EFNA5: variants seen among roughly 807,000 people sequenced by gnomAD.
The protein encoded by EFNA5 is ephrin-A5.
Under a neutral mutation model 22.9 loss-of-function variants are expected in EFNA5, and 5 were observed. The observed-to-expected ratio is 0.22, with a 90% CI of 0.11 to 0.46. The LOEUF (loss-of-function observed/expected upper bound fraction) is 0.46. Ranked by LOEUF, EFNA5 falls within the 20% of genes least tolerant of loss-of-function variation. EFNA5 has a pLI of 0.99. For missense variants in EFNA5, 237 were observed against 293.3 expected (o/e 0.81, Z 1.40); for synonymous variants, 113 against 112.2 (o/e 1.01, Z -0.04).
At chr5:107,442,543 G>C (rs1299782555) in intron 1 of EFNA5, among the ~76,000 whole-genome samples, 1 of 152,152 alleles carries the variant, frequency 6.6e-6, no homozygotes, top group African/African-American at 2.4e-5. Flanking sequence ...TCCTAGGAAA[G>C]TTGAGCTGAT....
At chr5:107,405,118 A>G (rs1469531953) in intron 2 of EFNA5, among the ~76,000 whole-genome samples, 3 of 152,234 alleles carry the variant, frequency 2.0e-5, no homozygotes, top group African/African-American at 7.2e-5. Context: ...AAACTGGAAG[A>G]ACCGGCAGCG....
At chr5:107,544,209 T>C (rs1748104032) in intron 1 of EFNA5, among the ~76,000 whole-genome samples, 1 of 152,146 alleles carries the variant, frequency 6.6e-6, no homozygotes, top group South Asian at 2.1e-4. Context: ...ATCTCCCTCC[T>C]AGAGAGCACT....
chr5:107,669,167 G>A (rs1751132421), intron 1 of EFNA5, among the ~76,000 whole-genome samples: 2 of 152,072 alleles, frequency 1.3e-5, no homozygotes. Context: ...GCTGAGGGGA[G>A]GCTGGAGGCA....
At chr5:107,585,524 G>A (rs1561440915) in intron 1 of EFNA5, among the ~76,000 whole-genome samples, 1 of 151,904 alleles carries the variant, frequency 6.6e-6, no homozygotes, top group Non-Finnish European at 1.5e-5. Flanking sequence ...TAGAGAAATA[G>A]AAAAACCTGT....
At chr5:107,631,967 C>G (rs551410552) in intron 1 of EFNA5, among the ~76,000 whole-genome samples, 1 of 152,208 alleles carries the variant, frequency 6.6e-6, no homozygotes, top group Non-Finnish European at 1.5e-5. Context: ...CTCGCTGTAC[C>G]TCCCAGGAGA....
chr5:107,469,382 C>T (rs1191783381), intron 1 of EFNA5, among the ~76,000 whole-genome samples: 1 of 134,944 alleles, frequency 7.4e-6, no homozygotes, highest in Non-Finnish European at 1.6e-5. Context: ...TTTGGTATTT[C>T]CTCTTTCTTT....
intron 1 of EFNA5, among the ~76,000 whole-genome samples, chr5:107,635,912 C>T (rs1294410590): frequency 6.6e-6 from 1 of 152,216 alleles, no homozygotes; most frequent in Non-Finnish European, 1.5e-5. Context: ...TGAAACTTCT[C>T]AGGGACAGTT....
intron 1 of EFNA5, among the ~76,000 whole-genome samples, chr5:107,669,729 C>T (rs947207089): frequency 1.3e-5 from 2 of 152,120 alleles, no homozygotes; most frequent in African/African-American, 2.4e-5. Context: ...GGGCGAAGGG[C>T]TCCCACCTCC....
intron 1 of EFNA5, among the ~76,000 whole-genome samples, chr5:107,637,823 A>C (rs1413560184): frequency 6.8e-6 from 1 of 148,004 alleles, no homozygotes; most frequent in Admixed American, 6.9e-5. Flanking sequence ...CAAAAAACTA[A>C]GCTAACAGTT....
At chr5:107,647,801 C>G (rs544652962) in intron 1 of EFNA5, among the ~76,000 whole-genome samples, 3 of 152,068 alleles carry the variant, frequency 2.0e-5, no homozygotes. Context: ...ACCGAAAACT[C>G]ACACTGTCAC....
chr5:107,631,760 G>A (rs929917653), intron 1 of EFNA5, among the ~76,000 whole-genome samples: 4 of 152,160 alleles, frequency 2.6e-5, no homozygotes, highest in Non-Finnish European at 5.9e-5. Context: ...GAAAATGGGA[G>A]GGGGGAAATA....
chr5:107,656,138 G>C (rs1376035658), intron 1 of EFNA5, among the ~76,000 whole-genome samples: 1 of 152,158 alleles, frequency 6.6e-6, no homozygotes, highest in Non-Finnish European at 1.5e-5. Context: ...CTTTGAGATG[G>C]AGATATCTCA....
intron 1 of EFNA5, among the ~76,000 whole-genome samples, chr5:107,530,307 T>A (rs1747782745): frequency 6.6e-6 from 1 of 152,192 alleles, no homozygotes; most frequent in Non-Finnish European, 1.5e-5. Flanking sequence ...TACTGCTTCT[T>A]AAAGCTCCTG....
At chr5:107,530,014 C>T (rs1383757625) in intron 1 of EFNA5, among the ~76,000 whole-genome samples, 1 of 152,204 alleles carries the variant, frequency 6.6e-6, no homozygotes, top group Non-Finnish European at 1.5e-5. Flanking sequence ...TGGTCTTAAA[C>T]AAGGGTTAGG....
rs1580594219 is a variant in EFNA5 at position 107,670,818 on chromosome 5, A to C, written c.-205T>G. On this transcript the variant is annotated 5_prime_UTR_variant, in exon 1 of 5. Coordinates refer to ENST00000333274, the MANE Select transcript of EFNA5 (RefSeq NM_001962.3). The stretch of plus-strand genomic sequence containing the variant: ...AGCGAGAAGAAAAGAAGGCGGTGGG[A>C]TGGGGGGTGATAAAGACAAACTCGC... The C allele has an allele frequency of 3.2e-6, 2 of 631,118 alleles. No individual in the cohort carries two copies. The highest frequency in any genetic ancestry group is 5.3e-6 in the Non-Finnish European group (2 of 374,732). The allele number at this position is 631,118 out of a possible 1,614,324, so 39.1% of individuals were successfully genotyped here.
chr5:107,623,482 T>C (rs1750080660), intron 1 of EFNA5, among the ~76,000 whole-genome samples: 1 of 152,186 alleles, frequency 6.6e-6, no homozygotes, highest in South Asian at 2.1e-4. Context: ...TTAATGATAA[T>C]TTATAGCCCT....
At position 107,598,546 on chromosome 5, in the gene EFNA5, C is replaced by G. The variant is rs148510171; in HGVS notation, c.125+71943G>C. ...ACAAAAGAAAGACTGGACAATGAAA[C>G]AGAATTATTTACTTGAAAAGTTTAT... is the stretch of plus-strand genomic sequence containing the variant. On this transcript the variant is annotated intron_variant, in intron 1 of 4. Coordinates refer to ENST00000333274, the MANE Select transcript of EFNA5 (RefSeq NM_001962.3). Among the ~76,000 whole-genome samples, 305 of 152,226 alleles carry G rather than the reference C, an allele frequency of 2.0e-3. 1 individual carries two copies. Among genetic ancestry groups the G allele is most frequent in the African/African-American group, 6.6e-3 (275 of 41,548 alleles).
intron 1 of EFNA5, among the ~76,000 whole-genome samples, chr5:107,445,557 C>T (rs1749367797): frequency 1.3e-5 from 2 of 152,122 alleles, no homozygotes; most frequent in African/African-American, 4.8e-5. Flanking sequence ...TCGCAAGATG[C>T]TCACAAGTCA....
At chr5:107,387,845 A>G (rs1243646682) in intron 2 of EFNA5, 74 bp from the exon 3 acceptor site, 5 of 1,037,948 alleles carry the variant, frequency 4.8e-6, no homozygotes, top group Non-Finnish European at 7.2e-6. Context: ...TTTCACATAC[A>G]AATGATGAAC....
Sources: gnomAD v4.1 joint callset for allele counts (sites outside exome capture counted in the v4.1 genomes callset) on GRCh38, gnomAD v4.1.1 for gene constraint, MANE v1.5 for transcripts, NCBI Gene and HGNC (gene_info 2026-07-23, HGNC 2026-07-21) for gene names.